SLC22A3: variants seen among roughly 807,000 people sequenced by gnomAD.
SLC22A3 encodes the protein EMT organic cation transporter 3.
A neutral mutation model predicts 59.1 loss-of-function variants in SLC22A3; 51 were observed. The observed-to-expected ratio is 0.86, with a 90% CI of 0.69 to 1.09. The LOEUF is 1.09. Among genes scored for constraint, SLC22A3 ranks in the 50% least tolerant of loss-of-function variants. The pLI is 0.00. For synonymous variants in SLC22A3, 325 were observed against 292.0 expected (o/e 1.11, Z -1.15); for missense variants, 711 against 726.3 (o/e 0.98, Z 0.24).
At chr6:160,443,011 T>C (rs1788607488) in intron 8 of SLC22A3, 142 bp downstream of exon 8, 1 of 708,916 alleles carries the variant, frequency 1.4e-6, no homozygotes, top group Non-Finnish European at 2.5e-6. Flanking sequence ...AAAGAAGATA[T>C]GCTTTGAGTT....
chr6:160,425,049 GT>G (rs936140740), intron 5 of SLC22A3, among the ~76,000 whole-genome samples: 8 of 152,124 alleles, frequency 5.3e-5, no homozygotes, highest in African/African-American at 1.9e-4. Context: ...CAGGGGACAG[GT>G]TTTTGATGTC....
At chr6:160,445,271 A>G (rs1013195960) in intron 9 of SLC22A3, among the ~76,000 whole-genome samples, 2 of 152,200 alleles carry the variant, frequency 1.3e-5, no homozygotes, top group Admixed American at 1.3e-4. Flanking sequence ...TGCTCCAGGC[A>G]GTGGAAAGTT....
chr6:160,369,408 A>C lies in SLC22A3; in HGVS notation c.429+20560A>C, dbSNP rs1785320705. On this transcript the variant is annotated intron_variant, in intron 1 of 10. Transcript: ENST00000275300. ...TCGGAATTTGCTACTGTGTAGAACC[A>C]TTACTATAGCACTTCCAGTGATGCC... Among the ~76,000 whole-genome samples, 4 of 152,214 alleles carry C rather than the reference A, an allele frequency of 2.6e-5. No homozygotes were observed. The South Asian group carries it at 8.3e-4, about 32-fold the overall frequency.
At chr6:160,443,538 TC>T in intron 8 of SLC22A3, 91 bp from the exon 9 acceptor site, 1 of 853,304 alleles carries the variant, frequency 1.2e-6, no homozygotes, top group Non-Finnish European at 1.9e-6. Flanking sequence ...TCTTCACACT[TC>T]CTTTGGTTTT....
At chr6:160,351,362 G>A (rs1256725967) in intron 1 of SLC22A3, among the ~76,000 whole-genome samples, 3 of 152,178 alleles carry the variant, frequency 2.0e-5, no homozygotes, top group Non-Finnish European at 2.9e-5. Flanking sequence ...TGATCCGCCC[G>A]CCTTGGCTTC....
chr6:160,437,291 G>T, intron 7 of SLC22A3, 80 bp downstream of exon 7: 3 of 1,391,628 alleles, frequency 2.2e-6, no homozygotes. Context: ...GGAGCCACTT[G>T]TTCTTAGGAA....
intron 10 of SLC22A3, 142 bp downstream of exon 10, chr6:160,447,960 A>C (rs1293081727): frequency 1.4e-6 from 1 of 733,226 alleles, no homozygotes; most frequent in Non-Finnish European, 2.4e-6. Context: ...AAAAATTCAA[A>C]GTAGATACAA....
At chr6:160,409,111 G>A (rs1583487141) in intron 4 of SLC22A3, among the ~76,000 whole-genome samples, 190 bp downstream of exon 4, 1 of 125,678 alleles carries the variant, frequency 8.0e-6, no homozygotes. Context: ...ACGCTGGTGC[G>A]CTGCACCCAC....
intron 1 of SLC22A3, among the ~76,000 whole-genome samples, chr6:160,394,163 A>T (rs1312898266): frequency 2.6e-5 from 4 of 152,240 alleles, no homozygotes; most frequent in Non-Finnish European, 5.9e-5. Context: ...GAGATGCCCC[A>T]GTTGTTCTAC....
intron 7 of SLC22A3, among the ~76,000 whole-genome samples, chr6:160,437,691 CTAAT>C (rs530670241): frequency 2.6e-5 from 4 of 152,186 alleles, no homozygotes; most frequent in Admixed American, 2.0e-4. Context: ...GATTTAGAAA[CTAAT>C]TAAACTATTT....
chr6:160,353,843 A>G (rs1784740107), intron 1 of SLC22A3, among the ~76,000 whole-genome samples: 1 of 152,102 alleles, frequency 6.6e-6, no homozygotes, highest in Non-Finnish European at 1.5e-5. Context: ...TGATGAGAAT[A>G]TAATGACTGG....
At chr6:160,364,445 C>T (rs1785133927) in intron 1 of SLC22A3, among the ~76,000 whole-genome samples, 1 of 152,180 alleles carries the variant, frequency 6.6e-6, no homozygotes, top group Non-Finnish European at 1.5e-5. Context: ...GCAGCGTTGA[C>T]AATAACTGCA....
intron 1 of SLC22A3, 140 bp from the exon 2 acceptor site, chr6:160,397,839 G>A (rs541529675): frequency 8.6e-5 from 60 of 697,098 alleles, no homozygotes; most frequent in African/African-American, 5.5e-4. Context: ...GTAAACATAC[G>A]TATGTGATAC....
In SLC22A3 at chr6:160,436,775, T is replaced by A. The variant is rs1788350030; in HGVS notation, c.976-5T>A. Reference sequence around the variant, plus strand: ...TTGCTACTGAAATCTGCTTTTCTTATATAGATCACTGTTACAGATGAGGAA... The same window carrying A: ...TTGCTACTGAAATCTGCTTTTCTTAAATAGATCACTGTTACAGATGAGGAA... On this transcript the variant is annotated splice_polypyrimidine_tract_variant and splice_region_variant and intron_variant, in intron 5 of 10. Transcript: ENST00000275300. 6.3e-7 allele frequency: 1 copy of A among 1,594,562 alleles called. No individual in the cohort carries two copies. Among genetic ancestry groups the A allele is most frequent in the Non-Finnish European group, 8.6e-7 (1 of 1,162,546 alleles).
chr6:160,362,764 C>T (rs538734106), intron 1 of SLC22A3, among the ~76,000 whole-genome samples: 1 of 152,300 alleles, frequency 6.6e-6, no homozygotes, highest in South Asian at 2.1e-4. Context: ...GCTCCAGCGC[C>T]GGAGGGGACC....
chr6:160,371,655 G>A (rs1019979497), intron 1 of SLC22A3, among the ~76,000 whole-genome samples: 25 of 152,158 alleles, frequency 1.6e-4, no homozygotes, highest in Non-Finnish European at 1.8e-4. Context: ...CATGTGCAGC[G>A]TGTTTCTAGT....
In SLC22A3 at chr6:160,437,076, A is replaced by G; in HGVS notation, c.1153A>G (p.Ile385Val). ...IGGNLYIDFF[I>V]SGVVELPGAL... is the part of the protein sequence containing the mutation. ...GGGCAACCTCTATATAGACTTTTTC[A>G]TCTCGGGCGTGGTGGAACTGCCAGG... is the stretch of plus-strand genomic sequence containing the variant. Residue 385 changes from isoleucine (I) to valine (V), a missense_variant, in exon 7 of 11, where the codon ATC becomes GTC. Physicochemically the swap from Ile to Val is conservative, Grantham distance 29. Transcript: ENST00000275300. 6.2e-7 allele frequency: 1 copy of G among 1,614,068 alleles called. No homozygotes were observed. The highest frequency in any genetic ancestry group is 8.5e-7 in the Non-Finnish European group (1 of 1,179,994).
chr6:160,448,963 A>G (rs369023879), intron 10 of SLC22A3, among the ~76,000 whole-genome samples: 1 of 152,234 alleles, frequency 6.6e-6, no homozygotes, highest in African/African-American at 2.4e-5. Context: ...TTAGGAATTA[A>G]GAACATGGAG....
chr6:160,421,174 A>T (rs1164828733), intron 5 of SLC22A3, among the ~76,000 whole-genome samples: 3 of 151,992 alleles, frequency 2.0e-5, no homozygotes, highest in Admixed American at 2.0e-4. Context: ...CTGCCAACCC[A>T]TTTCCCAGAC....
Sources: allele counts gnomAD v4.1 joint callset (sites outside exome capture counted in the v4.1 genomes callset), GRCh38; gene constraint gnomAD v4.1.1; transcripts MANE v1.5; gene names NCBI Gene and HGNC (gene_info 2026-07-23, HGNC 2026-07-21).